Variants in SEMA3G observed in about 807,000 individuals in gnomAD.
SEMA3G encodes semaphorin 3G.
Under a neutral mutation model 86.2 loss-of-function variants are expected in SEMA3G, and 70 were observed. The ratio of observed to expected loss-of-function variants is 0.81; its 90% CI spans 0.67 to 0.99. The LOEUF is 0.99. Ranked by LOEUF, SEMA3G falls within the 50% of genes least tolerant of loss-of-function variation. The probability of loss-of-function intolerance (pLI) is 0.00; values close to 1 mark genes in which losing one functional copy is unlikely to be tolerated. For synonymous variants in SEMA3G, 416 were observed against 441.4 expected (o/e 0.94, Z 0.72); for missense variants, 1,002 against 1,072.4 (o/e 0.93, Z 0.92).
rs369858134 is a variant in SEMA3G, at chr3:52,436,040, G to A, written c.1912C>T (p.Arg638Trp). The change falls in exon 16 of 16, where the codon CGG (arginine) becomes TGG (tryptophan). Residue 638 changes from arginine (R) to tryptophan (W), a missense_variant. Coordinates refer to ENST00000231721, the MANE Select transcript of SEMA3G (RefSeq NM_020163.3). ...CTAAGCCTGCGGAACAGCAGCCCCC[G>A]CTCCGTGTGCAAGACTCGCTCGTCC... ...KTDERVLHTERGLLFRRLSRF... is the reference protein window; with the variant it reads ...KTDERVLHTEWGLLFRRLSRF... 3.6e-5 allele frequency: 58 copies of A among 1,612,472 alleles called. No homozygotes were observed. Among genetic ancestry groups the A allele is most frequent in the Non-Finnish European group, 4.7e-5 (55 of 1,179,464 alleles).
chr3:52,437,278 C>A (rs1706062989), intron 15 of SEMA3G, among the ~76,000 whole-genome samples: 1 of 152,214 alleles, frequency 6.6e-6, no homozygotes, highest in African/African-American at 2.4e-5. Flanking sequence ...TGCCCAGACC[C>A]TCTTCTCTCT....
chr3:52,440,849 G>A (rs373457443), intron 8 of SEMA3G, 26 bp from the exon 9 acceptor site: 1 of 1,607,814 alleles, frequency 6.2e-7, no homozygotes, highest in East Asian at 2.2e-5. Context: ...GAGTATGAGT[G>A]TCATGGCCAC....
rs755217807 is a variant in SEMA3G at position 52,441,416 on chromosome 3, G to A, written c.668-7C>T. ...GCCATCACAAACCGGGGGTCTGGAA[G>A]GGTGACAGGGTCATGCTGGGTGGAG... On this transcript the variant is annotated splice_polypyrimidine_tract_variant and splice_region_variant and intron_variant, in intron 6 of 15. Coordinates refer to ENST00000231721, the MANE Select transcript of SEMA3G (RefSeq NM_020163.3). The A allele has an allele frequency of 6.8e-6, 11 of 1,612,868 alleles. No homozygotes were observed. The East Asian group carries it at 2.5e-4, about 36-fold the overall frequency.
chr3:52,435,626 G>A lies in SEMA3G; in HGVS notation c.2326C>T (p.Pro776Ser), dbSNP rs1471490480. Reference protein sequence around the residue: ...SRVHAEHNRTPREVEAT With the variant: ...SRVHAEHNRTSREVEAT ...TTCTACGTGGCCTCCACCTCCCGGG[G>A]CGTCCGATTGTGCTCGGCATGCACC... The change falls in exon 16 of 16, where the codon CCC (proline) becomes TCC (serine). Residue 776 changes from proline (P) to serine (S), a missense_variant. By Grantham distance (74) the Pro-to-Ser change is moderately conservative. Transcript: ENST00000231721. 2.5e-6 allele frequency: 4 copies of A among 1,612,634 alleles called. No homozygotes were observed. The highest frequency in any genetic ancestry group is 3.4e-6 in the Non-Finnish European group (4 of 1,179,210).
chr3:52,438,330 C>CA, intron 13 of SEMA3G, 131 bp from the exon 14 acceptor site: 1 of 1,409,898 alleles, frequency 7.1e-7, no homozygotes, highest in South Asian at 1.4e-5. Context: ...TGGATTCATT[C>CA]AAAAAACAAA....
rs1706024497 is a variant in SEMA3G, at chr3:52,435,260, A to G, written c.*343T>C. The G allele has an allele frequency of 3.0e-6, 1 of 329,764 alleles. No individual in the cohort carries two copies. The highest frequency in any genetic ancestry group is 5.7e-6 in the Non-Finnish European group (1 of 174,802). 20.4% of individuals were successfully genotyped at this position (329,764 alleles called of 1,614,324 possible). A position where few individuals can be genotyped will look rare whatever the true frequency, so the allele number is the denominator to read the frequency against. ...TCACTCAGAATGGCCATTGTTCTGTAGGCTGGGAAAGAACCACCCAACCCT... is the reference window on the plus strand; with the variant it reads ...TCACTCAGAATGGCCATTGTTCTGTGGGCTGGGAAAGAACCACCCAACCCT... On this transcript the variant is annotated 3_prime_UTR_variant, in exon 16 of 16. Transcript: ENST00000231721.
chr3:52,440,409 C>T lies in SEMA3G; in HGVS notation c.1111G>A (p.Gly371Arg), dbSNP rs1457087822. ...DGPQHQWGPY[G>R]GKVPFPRPGV... is the part of the protein sequence containing the mutation. ...GGGCGAGGGAAGGGCACCTTGCCCC[C>T]ATAGGGCCCCCACTGGTGCTGAGGC... is the stretch of plus-strand genomic sequence containing the variant. Residue 371 changes from glycine (G) to arginine (R), a missense_variant, in exon 10 of 16, where the codon GGG (glycine) becomes AGG (arginine). Transcript: ENST00000231721. The T allele has an allele frequency of 1.9e-6, 3 of 1,610,124 alleles. No homozygotes were observed. The highest frequency in any genetic ancestry group is 2.2e-5 in the East Asian group (1 of 44,800).
Position 52,442,597 on chromosome 3 carries a change from G to C in SEMA3G, c.301C>G (p.Gln101Glu), listed in dbSNP as rs774815066. Residue 101 changes from glutamine to glutamate, a missense_variant, in exon 3 of 16, where the codon CAG becomes GAG. Gln to Glu is a conservative substitution (Grantham distance 29, BLOSUM62 2). Transcript: ENST00000231721. The surrounding 1 kb of genome is among the most constrained non-coding windows in gnomAD (Gnocchi z 6.1). ...CCCTTTCGAACACACTCCTCCCTCT[G>C]TCCTGGCTGCGGTGGCCACAGGACC... ...REVLWPPQPG[Q>E]REECVRKGRD... 23 of 1,614,000 alleles carry C rather than the reference G, an allele frequency of 1.4e-5. No homozygotes were observed. The highest frequency in any genetic ancestry group is 8.3e-5 in the Admixed American group (5 of 59,996).
At chr3:52,436,187 C>T in intron 15 of SEMA3G, 114 bp from the exon 16 acceptor site, 3 of 1,447,616 alleles carry the variant, frequency 2.1e-6, no homozygotes, top group African/African-American at 2.8e-5. Context: ...ACTTCTTGCC[C>T]TATTCTCCCC....
chr3:52,441,986 C>A, intron 4 of SEMA3G, 77 bp from the exon 5 acceptor site: 1 of 1,358,064 alleles, frequency 7.4e-7, no homozygotes, highest in Non-Finnish European at 1.0e-6. Flanking sequence ...AGCAGGAGCC[C>A]TCGCGTGCGG....
In SEMA3G at chr3:52,442,792, G is replaced by A. The variant is rs374862094; in HGVS notation, c.231C>T (p.Ala77=). Residue 77 remains alanine (A), a synonymous_variant, in exon 2 of 16, where the codon GCC becomes GCT. Coordinates refer to ENST00000231721, the MANE Select transcript of SEMA3G (RefSeq NM_020163.3). This position sits in a 1 kb window ranked among gnomAD's most constrained non-coding sequence, Gnocchi z 6.1. ...CCTGGTCCAGCCGCAGAGAGTAGAG[G>A]GCGTCCAGGCCACCCAGAAAGAGGC... The part of the protein sequence containing the change: ...RDRLFLGGLD[A]LYSLRLDQAW... The A allele has an allele frequency of 6.2e-7, 1 of 1,614,018 alleles. No individual in the cohort carries two copies. Among genetic ancestry groups the A allele is most frequent in the Non-Finnish European group, 8.5e-7 (1 of 1,179,970 alleles).
At position 52,441,333 on chromosome 3, in the gene SEMA3G, C is replaced by T. The variant is rs139380539; in HGVS notation, c.744G>A (p.Ser248=). The T allele has an allele frequency of 1.4e-4, 228 of 1,613,814 alleles. No homozygotes were observed. The African/African-American group carries it at 2.7e-3, about 19-fold the overall frequency. ...CACCATCGGGCGAGGGGACCGTCTC[C>T]GAGAAGAAGAAGTACACCTTGTCAT... The part of the protein sequence containing the change: ...QDNDKVYFFF[S]ETVPSPDGGS... Residue 248 remains serine (S), a synonymous_variant, in exon 7 of 16, where the codon TCG becomes TCA. Transcript: ENST00000231721.
chr3:52,441,829 G>A lies in SEMA3G; in HGVS notation c.540C>T (p.Ser180=). The A allele has an allele frequency of 6.2e-7, 1 of 1,606,798 alleles. No homozygotes were observed. The highest frequency in any genetic ancestry group is 2.2e-5 in the East Asian group (1 of 44,680). ...CPHEPSRPFA[S]TFIDGELYTG... ...CTGGGCATCACCCACCTATGAAGGTGCTGGCAAAGGGACGGCTGGGCTCGT... is the reference window on the plus strand; with the variant it reads ...CTGGGCATCACCCACCTATGAAGGTACTGGCAAAGGGACGGCTGGGCTCGT... The change falls in exon 5 of 16, where the codon AGC becomes AGT. Residue 180 remains serine, a synonymous_variant. Coordinates refer to ENST00000231721, the MANE Select transcript of SEMA3G (RefSeq NM_020163.3).
rs768818458 is a variant in SEMA3G at position 52,437,686 on chromosome 3, G to T, written c.1739-20C>A. On this transcript the variant is annotated intron_variant, in intron 14 of 15. Transcript: ENST00000231721. ...CCTCTTCTGGAGAGAGGCAGAGGTT[G>T]GCTCAGCTTGGGAACTATGGGACCC... 6.2e-7 allele frequency: 1 copy of T among 1,603,192 alleles called. No individual in the cohort carries two copies. The highest frequency in any genetic ancestry group is 8.5e-7 in the Non-Finnish European group (1 of 1,172,520).
intron 10 of SEMA3G, 109 bp downstream of exon 10, chr3:52,440,268 C>T: frequency 7.6e-7 from 1 of 1,318,980 alleles, no homozygotes; most frequent in Non-Finnish European, 1.0e-6. Context: ...CAGGCTTGGC[C>T]AACGTCCGCT....
Position 52,441,820 on chromosome 3 carries a change from T to C in SEMA3G, c.549A>G (p.Ile183Met). Reference sequence around the variant, plus strand: ...CACCCTGGCCTGGGCATCACCCACCTATGAAGGTGCTGGCAAAGGGACGGC... The same window carrying C: ...CACCCTGGCCTGGGCATCACCCACCCATGAAGGTGCTGGCAAAGGGACGGC... ...EPSRPFASTF[I>M]DGELYTGLTA... Residue 183 changes from isoleucine (I) to methionine (M), a missense_variant and splice_region_variant, in exon 5 of 16, where the codon ATA (isoleucine) becomes ATG (methionine). Coordinates refer to ENST00000231721, the MANE Select transcript of SEMA3G (RefSeq NM_020163.3). The C allele has an allele frequency of 1.2e-6, 2 of 1,607,640 alleles. No individual in the cohort carries two copies. Among genetic ancestry groups the C allele is most frequent in the Non-Finnish European group, 1.7e-6 (2 of 1,177,022 alleles).
In SEMA3G at chr3:52,441,832, G is replaced by C. The variant is rs754272904; in HGVS notation, c.537C>G (p.Ala179=). The C allele has an allele frequency of 1.2e-6, 2 of 1,606,566 alleles. No individual in the cohort carries two copies. The highest frequency in any genetic ancestry group is 1.7e-6 in the Non-Finnish European group (2 of 1,176,748). The change falls in exon 5 of 16, where the codon GCC becomes GCG. Residue 179 remains alanine, a synonymous_variant. Coordinates refer to ENST00000231721, the MANE Select transcript of SEMA3G (RefSeq NM_020163.3). ...RCPHEPSRPF[A]STFIDGELYT... is the part of the protein sequence containing the mutation. ...GGCATCACCCACCTATGAAGGTGCT[G>C]GCAAAGGGACGGCTGGGCTCGTGAG...
rs73837056 is a variant in SEMA3G, at chr3:52,438,992, C to T, written c.1468-31G>A. On this transcript the variant is annotated intron_variant, in intron 12 of 15. Transcript: ENST00000231721. ...GAAGGAGAAGGGTCTCAGTGTGGGT[C>T]GGGTGGACCAAGACCTGCCCCTGCA... is the stretch of plus-strand genomic sequence containing the variant. 2.2e-3 allele frequency: 3,580 copies of T among 1,609,242 alleles called. 77 individuals carry two copies. The African/African-American group carries it at 0.043, about 19-fold the overall frequency.
rs753305265 is a variant in SEMA3G at position 52,440,928 on chromosome 3, C to T, written c.928+6G>A. On this transcript the variant is annotated splice_donor_region_variant and intron_variant, in intron 8 of 15. Coordinates refer to ENST00000231721, the MANE Select transcript of SEMA3G (RefSeq NM_020163.3). ...GAGCCCTAGGCCTGCTTGGCCAGGC[C>T]CTCACCTAGCTGGTCAAAGTGGGTC... 1 of 1,603,034 alleles carries T rather than the reference C, an allele frequency of 6.2e-7. No homozygotes were observed. The highest frequency in any genetic ancestry group is 1.1e-5 in the South Asian group (1 of 89,956).
Sources: allele counts gnomAD v4.1 joint callset (sites outside exome capture counted in the v4.1 genomes callset), GRCh38; gene constraint gnomAD v4.1.1; non-coding constraint Gnocchi (gnomAD v3.1); transcripts MANE v1.5; gene names NCBI Gene and HGNC (gene_info 2026-07-23, HGNC 2026-07-21).